The following KIAA1217 variants were observed in gnomAD, a reference collection of about 807,000 sequenced individuals.
The protein encoded by KIAA1217 is sickle tail protein homolog.
Under a neutral mutation model 163.9 loss-of-function variants are expected in KIAA1217, and 88 were observed. The ratio of observed to expected loss-of-function variants is 0.54; its 90% CI spans 0.45 to 0.64. The LOEUF (loss-of-function observed/expected upper bound fraction) is 0.64, where lower values mean the gene tolerates loss of function less well. Ranked by LOEUF, KIAA1217 falls within the 30% of genes least tolerant of loss-of-function variation. The pLI is 0.00. For missense variants in KIAA1217, 2,372 were observed against 2,475.0 expected (o/e 0.96, Z 0.88); for synonymous variants, 903 against 923.1 (o/e 0.98, Z 0.39).
chr10:24,070,158 G>A (rs1219547232), intron 2 of KIAA1217, among the ~76,000 whole-genome samples: 1 of 151,964 alleles, frequency 6.6e-6, no homozygotes, highest in Non-Finnish European at 1.5e-5. Flanking sequence ...ATAAAAGAGG[G>A]GTTAAAGGAA....
At chr10:23,717,789 C>T (rs1263938977) in intron 1 of KIAA1217, among the ~76,000 whole-genome samples, 3 of 152,012 alleles carry the variant, frequency 2.0e-5, no homozygotes, top group Non-Finnish European at 2.9e-5. Flanking sequence ...TGAGCCAAAA[C>T]GAAGATGAAA....
At chr10:24,256,950 A>G (rs570572801) in intron 2 of KIAA1217, among the ~76,000 whole-genome samples, 2 of 152,220 alleles carry the variant, frequency 1.3e-5, no homozygotes, top group Non-Finnish European at 2.9e-5. Context: ...CAGGAGAGAA[A>G]GAAGGCCCAG....
At chr10:24,079,029 G>A (rs1301304126) in intron 2 of KIAA1217, among the ~76,000 whole-genome samples, 1 of 152,222 alleles carries the variant, frequency 6.6e-6, no homozygotes, top group East Asian at 1.9e-4. Context: ...CATGGCGAGG[G>A]ATGAAATCAG....
chr10:23,830,945 A>G (rs952594311), intron 1 of KIAA1217, among the ~76,000 whole-genome samples: 2 of 150,532 alleles, frequency 1.3e-5, no homozygotes, highest in African/African-American at 5.0e-5. Context: ...CCAAATGCCC[A>G]CAGGTATTGA....
intron 3 of KIAA1217, among the ~76,000 whole-genome samples, chr10:24,414,615 T>C (rs1195995994): frequency 2.0e-5 from 3 of 152,178 alleles, no homozygotes; most frequent in African/African-American, 7.2e-5. Context: ...AGGTGATTTA[T>C]GGTGAATCTG....
At chr10:24,082,413 C>T (rs990183852) in intron 2 of KIAA1217, among the ~76,000 whole-genome samples, 2 of 152,026 alleles carry the variant, frequency 1.3e-5, no homozygotes, top group Non-Finnish European at 2.9e-5. Context: ...CCACCCCTAA[C>T]AGGCCCCAGT....
chr10:23,867,880 G>A (rs967707744), intron 1 of KIAA1217, among the ~76,000 whole-genome samples: 3 of 152,054 alleles, frequency 2.0e-5, no homozygotes, highest in African/African-American at 7.3e-5. Context: ...GTCAATTTTG[G>A]CTTTTGTTGC....
At chr10:24,166,906 T>A (rs186624217) in intron 2 of KIAA1217, among the ~76,000 whole-genome samples, 11 of 152,218 alleles carry the variant, frequency 7.2e-5, no homozygotes, top group Admixed American at 6.5e-5. Context: ...AACAAAAAAA[T>A]TAATCATTTT....
At chr10:24,224,039 A>G (rs888981051) in intron 2 of KIAA1217, among the ~76,000 whole-genome samples, 1 of 152,136 alleles carries the variant, frequency 6.6e-6, no homozygotes, top group African/African-American at 2.4e-5. Context: ...GTTGGTCAAG[A>G]GTTTTCTTTA....
chr10:23,751,905 A>G (rs891056105), intron 1 of KIAA1217, among the ~76,000 whole-genome samples: 2 of 152,202 alleles, frequency 1.3e-5, no homozygotes, highest in Non-Finnish European at 2.9e-5. Flanking sequence ...GACATCTTTT[A>G]TTATGTCTAC....
chr10:24,524,457 A>G lies in KIAA1217; in HGVS notation c.2591A>G (p.His864Arg). Reference sequence around the variant, plus strand: ...GCCCACACCTCCGGCCAGCCCTTCCACAGCACAGGTGCCCCTGGCGATGCG... The same window carrying G: ...GCCCACACCTCCGGCCAGCCCTTCCGCAGCACAGGTGCCCCTGGCGATGCG... ...EAAHTSGQPF[H>R]STGAPGDAKS... The change falls in exon 13 of 21, where the codon CAC becomes CGC. Residue 864 changes from histidine (H) to arginine (R), a missense_variant. By Grantham distance (29) the His-to-Arg change is conservative. Transcript: ENST00000376454. The G allele has an allele frequency of 6.2e-7, 1 of 1,614,204 alleles. No individual in the cohort carries two copies. The highest frequency in any genetic ancestry group is 1.3e-5 in the African/African-American group (1 of 75,072).
chr10:24,326,016 C>T (rs1672039436), intron 2 of KIAA1217, among the ~76,000 whole-genome samples: 1 of 152,124 alleles, frequency 6.6e-6, no homozygotes, highest in Admixed American at 6.5e-5. Context: ...TACCAGTTAA[C>T]AGGACCTGCC....
chr10:24,076,632 A>G (rs185688892), intron 2 of KIAA1217, among the ~76,000 whole-genome samples: 7 of 152,262 alleles, frequency 4.6e-5, no homozygotes, highest in Admixed American at 3.9e-4. Flanking sequence ...GCCTTACCTC[A>G]GGGTCTCAAA....
At chr10:24,458,515 G>A (rs574764300) in intron 5 of KIAA1217, among the ~76,000 whole-genome samples, 5 of 152,218 alleles carry the variant, frequency 3.3e-5, no homozygotes, top group Admixed American at 2.6e-4. Context: ...GCCCTCCTTT[G>A]AAGAGGATTC....
intron 3 of KIAA1217, among the ~76,000 whole-genome samples, chr10:24,394,330 T>A (rs1010857295): frequency 5.9e-5 from 9 of 152,350 alleles, no homozygotes; most frequent in Non-Finnish European, 1.3e-4. Flanking sequence ...AAGGTGTTAA[T>A]TGGCTTTCAG....
chr10:24,170,306 A>G (rs1369261705), intron 2 of KIAA1217, among the ~76,000 whole-genome samples: 2 of 152,122 alleles, frequency 1.3e-5, no homozygotes, highest in African/African-American at 2.4e-5. Flanking sequence ...GGAAGGTGGG[A>G]CTCCCAGGGG....
chr10:24,239,847 T>C (rs1306448326), intron 2 of KIAA1217, among the ~76,000 whole-genome samples: 3 of 152,138 alleles, frequency 2.0e-5, no homozygotes. Context: ...TTATGAACAT[T>C]GCACTTTTTT....
At chr10:24,351,626 G>A (rs148766402) in intron 2 of KIAA1217, among the ~76,000 whole-genome samples, 13 of 152,184 alleles carry the variant, frequency 8.5e-5, no homozygotes, top group African/African-American at 2.7e-4. Context: ...GAATAATTTC[G>A]TTTTGCACCC....
chr10:23,806,962 C>T (rs1836770772), intron 1 of KIAA1217, among the ~76,000 whole-genome samples: 1 of 152,198 alleles, frequency 6.6e-6, no homozygotes, highest in South Asian at 2.1e-4. Context: ...CTTGTTTGGG[C>T]AGAGTGAACT....
Sources: allele counts gnomAD v4.1 joint callset (sites outside exome capture counted in the v4.1 genomes callset), GRCh38; gene constraint gnomAD v4.1.1; transcripts MANE v1.5; gene names NCBI Gene and HGNC (gene_info 2026-07-23, HGNC 2026-07-21).